The following UTP6 variants were observed in gnomAD, a reference collection of about 807,000 sequenced individuals.
UTP6 encodes UTP6 small subunit processome component, also known as U3 small nucleolar RNA-associated protein 6 homolog.
In UTP6, 60 loss-of-function variants were observed where a neutral mutation model predicts 96.5. The observed-to-expected ratio is 0.62, with a 90% CI of 0.51 to 0.77. The LOEUF (loss-of-function observed/expected upper bound fraction) is 0.77. Ranked by LOEUF, UTP6 falls within the 30% of genes least tolerant of loss-of-function variation. UTP6 has a pLI of 0.00. For synonymous variants in UTP6, 215 were observed against 240.1 expected (o/e 0.90, Z 0.96); for missense variants, 637 against 706.5 (o/e 0.90, Z 1.12).
At chr17:31,886,178 C>T in intron 8 of UTP6, 117 bp from the exon 9 acceptor site, 1 of 776,514 alleles carries the variant, frequency 1.3e-6, no homozygotes, top group South Asian at 1.7e-5. Context: ...AATCATGTCT[C>T]TCTCTCCGGG....
At chr17:31,895,102 A>T (rs1904559346) in intron 2 of UTP6, 91 bp from the exon 3 acceptor site, 1 of 952,844 alleles carries the variant, frequency 1.0e-6, no homozygotes, top group Non-Finnish European at 1.5e-6. Context: ...TAAAACAAAA[A>T]TCGAGAATAT....
intron 10 of UTP6, 37 bp downstream of exon 10, chr17:31,884,387 A>G (rs1392711568): frequency 6.6e-7 from 1 of 1,505,206 alleles, no homozygotes; most frequent in Admixed American, 1.9e-5. Context: ...TCAAGATCAG[A>G]AATAGATATA....
rs755284760 is a variant in UTP6, at chr17:31,875,244, A to G, written c.1295T>C (p.Leu432Pro). The G allele has an allele frequency of 8.1e-6, 13 of 1,613,906 alleles. No homozygotes were observed. The highest frequency in any genetic ancestry group is 2.2e-5 in the East Asian group (1 of 44,890). The change falls in exon 14 of 19, where the codon CTG becomes CCG. Residue 432 changes from leucine to proline, a missense_variant. Transcript: ENST00000261708. ...ATCCAGCTCACTGACCTGGGGTTTC[A>G]GGTGCACAAAGGCTTCTTCAAAAAG... ...AMLFEEAFVH[L>P]KPQVCLPLWI...
At chr17:31,887,945 G>C (rs1911246725) in intron 7 of UTP6, 2 of 106,224 alleles carry the variant, frequency 1.9e-5, no homozygotes, top group Admixed American at 1.4e-4. Context: ...TGAGCAACAA[G>C]AGTGAGACTC....
At chr17:31,892,948 G>C (rs149522594) in intron 4 of UTP6, among the ~76,000 whole-genome samples, 154 bp from the exon 5 acceptor site, 1 of 152,104 alleles carries the variant, frequency 6.6e-6, no homozygotes, top group Non-Finnish European at 1.5e-5. Flanking sequence ...CGAAGCGGGC[G>C]GATCACTTGA....
chr17:31,896,005 C>T (rs2142325072), intron 2 of UTP6, among the ~76,000 whole-genome samples: 1 of 144,884 alleles, frequency 6.9e-6, no homozygotes, highest in Admixed American at 6.9e-5. Flanking sequence ...AGCGAGACTC[C>T]ATCTCAAAAA....
At chr17:31,895,610 T>G (rs549650576) in intron 2 of UTP6, among the ~76,000 whole-genome samples, 1 of 152,190 alleles carries the variant, frequency 6.6e-6, no homozygotes, top group South Asian at 2.1e-4. Context: ...CTCGGCTCAC[T>G]GCAACCTCTG....
intron 2 of UTP6, 105 bp from the exon 3 acceptor site, chr17:31,895,116 A>G (rs1199401665): frequency 6.0e-6 from 5 of 827,896 alleles, no homozygotes; most frequent in Non-Finnish European, 9.2e-6. Flanking sequence ...AGAATATAAA[A>G]TAAAAAATAA....
intron 11 of UTP6, 26 bp downstream of exon 11, chr17:31,880,547 T>A: frequency 1.2e-6 from 2 of 1,613,640 alleles, no homozygotes; most frequent in Non-Finnish European, 1.7e-6. Flanking sequence ...TCCTTCTATA[T>A]CACACCATGG....
intron 2 of UTP6, among the ~76,000 whole-genome samples, chr17:31,898,276 C>G (rs146107401): frequency 0.023 from 3,514 of 152,160 alleles, 57 homozygotes; most frequent in Middle Eastern, 0.041. Flanking sequence ...GTGGCTCATG[C>G]CTGTAATTCC....
intron 17 of UTP6, among the ~76,000 whole-genome samples, chr17:31,867,325 T>G (rs1909882997): frequency 6.6e-6 from 1 of 151,824 alleles, no homozygotes. Context: ...CTGGCCAACA[T>G]GGCAAAACCC....
At chr17:31,867,378 C>T (rs972243774) in intron 17 of UTP6, among the ~76,000 whole-genome samples, 2 of 151,386 alleles carry the variant, frequency 1.3e-5, no homozygotes, top group African/African-American at 4.9e-5. Context: ...CGTGGCAGCC[C>T]GTGCCTGTAA....
chr17:31,869,645 T>C (rs1006481794), intron 16 of UTP6, among the ~76,000 whole-genome samples: 3 of 152,186 alleles, frequency 2.0e-5, no homozygotes, highest in African/African-American at 7.2e-5. Flanking sequence ...CCACAGTGCC[T>C]GGCCCATCAG....
Position 31,897,718 on chromosome 17 carries a change from G to A in UTP6, c.177+1928C>T, listed in dbSNP as rs1046691223. Reference sequence around the variant, plus strand: ...CCTGCCTCAGCCTCCCAAAGTGCTGGTATTACAGCATGAGCCACCATGCCC... The same window carrying A: ...CCTGCCTCAGCCTCCCAAAGTGCTGATATTACAGCATGAGCCACCATGCCC... On this transcript the variant is annotated intron_variant, in intron 2 of 18. Coordinates refer to ENST00000261708, the MANE Select transcript of UTP6 (RefSeq NM_018428.3). 2.6e-5 allele frequency among the ~76,000 whole-genome samples: 4 copies of A among 152,030 alleles called. No homozygotes were observed. The South Asian group carries it at 8.3e-4, about 31-fold the overall frequency.
chr17:31,869,468 C>T (rs1384206064), intron 16 of UTP6, among the ~76,000 whole-genome samples: 2 of 152,104 alleles, frequency 1.3e-5, no homozygotes, highest in East Asian at 3.9e-4. Flanking sequence ...CATGAGCCAC[C>T]ACGCCTGGCC....
At chr17:31,892,696 G>C (rs1245181315) in intron 5 of UTP6, 51 bp downstream of exon 5, 1 of 1,611,228 alleles carries the variant, frequency 6.2e-7, no homozygotes, top group East Asian at 2.2e-5. Flanking sequence ...TTAAAGGGCA[G>C]ATTAACAAAA....
intron 13 of UTP6, among the ~76,000 whole-genome samples, chr17:31,875,833 A>G (rs1910468777): frequency 6.6e-6 from 1 of 151,798 alleles, no homozygotes; most frequent in South Asian, 2.1e-4. Context: ...AAAAAAAAAA[A>G]AAAAAGAAAA....
chr17:31,889,660 C>T (rs1282418023), intron 6 of UTP6, among the ~76,000 whole-genome samples: 1 of 151,898 alleles, frequency 6.6e-6, no homozygotes, highest in Non-Finnish European at 1.5e-5. Context: ...CCATGCCCGG[C>T]TAATTTTTTT....
intron 10 of UTP6, among the ~76,000 whole-genome samples, chr17:31,881,654 A>C (rs1910851470): frequency 6.6e-6 from 1 of 152,146 alleles, no homozygotes; most frequent in Non-Finnish European, 1.5e-5. Context: ...TCTCAAAGTC[A>C]AATCAGCAGT....
Sources: gnomAD v4.1 joint callset for allele counts (sites outside exome capture counted in the v4.1 genomes callset) on GRCh38, gnomAD v4.1.1 for gene constraint, MANE v1.5 for transcripts, NCBI Gene and HGNC (gene_info 2026-07-23, HGNC 2026-07-21) for gene names.